The following NUP88 variants were observed in gnomAD, a reference collection of about 807,000 sequenced individuals.
NUP88 encodes the protein nuclear pore complex protein Nup88.
A neutral mutation model predicts 93.9 loss-of-function variants in NUP88; 57 were observed. The observed-to-expected ratio is 0.61, with a 90% CI of 0.49 to 0.76. NUP88 has a LOEUF of 0.76. NUP88 is among the 30% of genes least tolerant of loss of function. The pLI is 0.00. For synonymous variants in NUP88, 346 were observed against 336.8 expected, an observed-to-expected ratio of 1.03 and a Z score of -0.30; for missense variants, 911 against 901.0, an observed-to-expected ratio of 1.01 and a Z score of -0.14.
chr17:5,392,173 C>T (rs1370812749), intron 9 of NUP88, among the ~76,000 whole-genome samples: 1 of 152,190 alleles, frequency 6.6e-6, no homozygotes, highest in African/African-American at 2.4e-5. Flanking sequence ...TGCCAACATG[C>T]TCTCCTAGCG....
In NUP88 at chr17:5,410,765, C is replaced by A. The variant is rs145279651; in HGVS notation, c.618G>T (p.Gln206His). ...AAAGTATTATCACGTTAGTGGGTGT[C>A]TGCGGCTCACGTAGTGAGTAAATTC... ...VIRIYSLREPQTPTNVIILSE... is the reference protein window; with the variant it reads ...VIRIYSLREPHTPTNVIILSE... The change falls in exon 4 of 17, where the codon CAG becomes CAT. Residue 206 changes from glutamine to histidine, a missense_variant. Coordinates refer to ENST00000573584, the MANE Select transcript of NUP88 (RefSeq NM_002532.6). 2.5e-6 allele frequency: 4 copies of A among 1,612,430 alleles called. No individual in the cohort carries two copies. In the African/African-American group the frequency reaches 5.3e-5, roughly 22 times the overall value.
At chr17:5,416,078 G>C (rs1225314605) in intron 2 of NUP88, among the ~76,000 whole-genome samples, 1 of 146,342 alleles carries the variant, frequency 6.8e-6, no homozygotes, top group East Asian at 2.0e-4. Flanking sequence ...CCAGGAGGCG[G>C]AGCTTGCAGT....
chr17:5,409,825 G>A (rs938771926), intron 4 of NUP88, among the ~76,000 whole-genome samples: 11 of 152,194 alleles, frequency 7.2e-5, no homozygotes, highest in Non-Finnish European at 4.4e-5. Context: ...AGATATTTGA[G>A]CAAAGATCTG....
chr17:5,397,337 G>A (rs898611963), intron 8 of NUP88, among the ~76,000 whole-genome samples: 2 of 141,714 alleles, frequency 1.4e-5, no homozygotes, highest in Non-Finnish European at 3.1e-5. Flanking sequence ...GAGACCCTCT[G>A]TCTCTTAAAA....
chr17:5,400,139 T>TA lies in NUP88; in HGVS notation c.1193-490_1193-489insT, dbSNP rs199804588. ...GCAGGGTTGCCACATCTTTCATTTG[T>TA]TAAAAAAAAAAAAAAAAAGCACTGT... On this transcript the variant is annotated intron_variant, in intron 7 of 16. Coordinates refer to ENST00000573584, the MANE Select transcript of NUP88 (RefSeq NM_002532.6). Among the ~76,000 whole-genome samples the TA allele has an allele frequency of 8.2e-4, 91 of 111,648 alleles. 1 individual carries two copies. Among genetic ancestry groups the TA allele is most frequent in the Admixed American group, 2.0e-3 (21 of 10,768 alleles). The allele number at this position is 111,648 out of a possible 152,430, so 73.2% of individuals were successfully genotyped here.
chr17:5,388,795 T>C lies in NUP88; in HGVS notation c.1643+7A>G, dbSNP rs1912219513. The C allele has an allele frequency of 1.2e-6, 2 of 1,612,606 alleles. No individual in the cohort carries two copies. The highest frequency in any genetic ancestry group is 2.7e-5 in the African/African-American group (2 of 74,864). The stretch of plus-strand genomic sequence containing the variant: ...TTCATAAAACCGCTATGCCCAAGGT[T>C]GCATACTTCAAAAATGCTGGATTGG... On this transcript the variant is annotated splice_region_variant and intron_variant, in intron 11 of 16. Transcript: ENST00000573584.
rs1483254516 is a variant in NUP88 at position 5,409,362 on chromosome 17, G to A, written c.681-453C>T. ...GCACTCCAGCCTGGGCGACAAGAGC[G>A]AAACTCCGTCTCAAAAAAAAAAAAA... On this transcript the variant is annotated intron_variant, in intron 4 of 16. Transcript: ENST00000573584. Among the ~76,000 whole-genome samples the A allele has an allele frequency of 3.4e-4, 39 of 116,016 alleles. No individual in the cohort carries two copies. In the Admixed American group the frequency reaches 3.6e-3, roughly 11 times the overall value. The allele number at this position is 116,016 out of a possible 152,430, so 76.1% of individuals were successfully genotyped here.
At position 5,410,784 on chromosome 17, in the gene NUP88, T is replaced by A. The variant is rs1178502307; in HGVS notation, c.599A>T (p.Tyr200Phe). The A allele has an allele frequency of 1.3e-6, 2 of 1,598,248 alleles. No individual in the cohort carries two copies. Among genetic ancestry groups the A allele is most frequent in the East Asian group, 4.5e-5 (2 of 44,808 alleles). Reference sequence around the variant, plus strand: ...GGGTGTCTGCGGCTCACGTAGTGAGTAAATTCTAGCAACCAAAAGAGAAGA... The same window carrying A: ...GGGTGTCTGCGGCTCACGTAGTGAGAAAATTCTAGCAACCAAAAGAGAAGA... ...LLTSDNVIRI[Y>F]SLREPQTPTN... Residue 200 changes from tyrosine to phenylalanine, a missense_variant, in exon 4 of 17, where the codon TAC becomes TTC. By Grantham distance (22) the Tyr-to-Phe change is conservative. Coordinates refer to ENST00000573584, the MANE Select transcript of NUP88 (RefSeq NM_002532.6).
intron 7 of NUP88, among the ~76,000 whole-genome samples, chr17:5,400,961 T>C (rs1037495148): frequency 6.6e-6 from 1 of 152,182 alleles, no homozygotes; most frequent in African/African-American, 2.4e-5. Context: ...GAAACAAAAA[T>C]TTCTGTACCT....
At chr17:5,408,413 A>C (rs1423621438) in intron 5 of NUP88, among the ~76,000 whole-genome samples, 1 of 152,246 alleles carries the variant, frequency 6.6e-6, no homozygotes, top group East Asian at 1.9e-4. Context: ...ATAAGATACC[A>C]GATTACCACG....
At chr17:5,388,587 C>G (rs1214144333) in intron 11 of NUP88, 2 of 459,888 alleles carry the variant, frequency 4.3e-6, no homozygotes, top group Non-Finnish European at 7.6e-6. Flanking sequence ...CACGCCCGGC[C>G]TAGCCTAACT....
chr17:5,418,778 A>G (rs1015037533), intron 1 of NUP88, among the ~76,000 whole-genome samples: 3 of 152,196 alleles, frequency 2.0e-5, no homozygotes, highest in African/African-American at 7.2e-5. Context: ...CCATAAACCA[A>G]TATTTGACCA....
Position 5,391,575 on chromosome 17 carries a change from G to A in NUP88, c.1470C>T (p.Leu490=), listed in dbSNP as rs756142665. Residue 490 remains leucine (L), a synonymous_variant, in exon 10 of 17, where the codon CTC becomes CTT. Coordinates refer to ENST00000573584, the MANE Select transcript of NUP88 (RefSeq NM_002532.6). ...MICITSTYEC[L]IWPLLSTVHP... is the part of the protein sequence containing the mutation. ...ATGGGACGTACAATAACGGCCATAT[G>A]AGGCATTCATAGGTACTGGTGATGC... 6.2e-7 allele frequency: 1 copy of A among 1,612,706 alleles called. No homozygotes were observed. Among genetic ancestry groups the A allele is most frequent in the East Asian group, 2.2e-5 (1 of 44,876 alleles).
chr17:5,387,101 T>C lies in NUP88; in HGVS notation c.1926A>G (p.Lys642=). 6.2e-7 allele frequency: 1 copy of C among 1,613,248 alleles called. No individual in the cohort carries two copies. Among genetic ancestry groups the C allele is most frequent in the Non-Finnish European group, 8.5e-7 (1 of 1,179,808 alleles). Residue 642 remains lysine (K), a synonymous_variant, in exon 15 of 17, where the codon AAA becomes AAG. Coordinates refer to ENST00000573584, the MANE Select transcript of NUP88 (RefSeq NM_002532.6). ...GCTCAGAGTGAAAACTGTGAAGTAG[T>C]TTTTTCATCCTTTAGAAAAGGCAAG... ...KQEDIMNRMK[K]LLHSFHSELP...
intron 7 of NUP88, among the ~76,000 whole-genome samples, chr17:5,401,105 C>T (rs573011440): frequency 1.5e-4 from 23 of 151,858 alleles, no homozygotes; most frequent in Admixed American, 4.6e-4. Context: ...TCTTATTGGC[C>T]GGGTGTGGTG....
Position 5,419,509 on chromosome 17 carries a change from G to T in NUP88, c.142C>A (p.Pro48Thr), listed in dbSNP as rs1352529247. 6.2e-7 allele frequency: 1 copy of T among 1,613,828 alleles called. No individual in the cohort carries two copies. The highest frequency in any genetic ancestry group is 2.2e-5 in the East Asian group (1 of 44,874). Residue 48 changes from proline to threonine, a missense_variant, in exon 1 of 17, where the codon CCT (proline) becomes ACT (threonine). Pro to Thr is a conservative substitution (Grantham distance 38, BLOSUM62 -1). Coordinates refer to ENST00000573584, the MANE Select transcript of NUP88 (RefSeq NM_002532.6). ...AGCAACTGCGGCGGCGGCGACGAAG[G>T]CAACGACGAAGAAGCTGGTTTCTCA... ...EAEKPASSSLPSSPPPQLLTR... is the reference protein window; with the variant it reads ...EAEKPASSSLTSSPPPQLLTR...
At position 5,387,765 on chromosome 17, in the gene NUP88, A is replaced by G. The variant is rs1597312188; in HGVS notation, c.1769+14T>C. 1 of 1,611,902 alleles carries G rather than the reference A, an allele frequency of 6.2e-7. No individual in the cohort carries two copies. The highest frequency in any genetic ancestry group is 1.1e-5 in the South Asian group (1 of 90,848). ...AGCCAGGGATCGATGGTTTGTGAAC[A>G]CAGGACATCATACCTCCGCTGAATC... On this transcript the variant is annotated intron_variant, in intron 12 of 16. Transcript: ENST00000573584.
chr17:5,419,630 C>T lies in NUP88; in HGVS notation c.21G>A (p.Pro7=), dbSNP rs1007479827. 5 of 1,592,632 alleles carry T rather than the reference C, an allele frequency of 3.1e-6. No homozygotes were observed. In the African/African-American group the frequency reaches 4.0e-5, roughly 13 times the overall value. MAAAEG[P]VGDGELWQTW... ...TCTGCCACAGCTCGCCGTCGCCCAC[C>T]GGTCCCTCGGCGGCCGCCATCTTGG... is the stretch of plus-strand genomic sequence containing the variant. Residue 7 remains proline (P), a synonymous_variant, in exon 1 of 17, where the codon CCG becomes CCA. Coordinates refer to ENST00000573584, the MANE Select transcript of NUP88 (RefSeq NM_002532.6).
chr17:5,416,829 C>CA, intron 1 of NUP88, 147 bp from the exon 2 acceptor site: 2 of 547,272 alleles, frequency 3.7e-6, no homozygotes, highest in Non-Finnish European at 5.6e-6. Context: ...CATTAACTCA[C>CA]AAATTTTTTT....
Sources: allele counts gnomAD v4.1 joint callset (sites outside exome capture counted in the v4.1 genomes callset), GRCh38; gene constraint gnomAD v4.1.1; transcripts MANE v1.5; gene names NCBI Gene and HGNC (gene_info 2026-07-23, HGNC 2026-07-21).